KIAA1217: variants seen among roughly 807,000 people sequenced by gnomAD.
KIAA1217 encodes sickle tail protein homolog.
Under a neutral mutation model 163.9 loss-of-function variants are expected in KIAA1217, and 88 were observed. The ratio of observed to expected loss-of-function variants is 0.54; its 90% CI spans 0.45 to 0.64. The LOEUF (loss-of-function observed/expected upper bound fraction) is 0.64, where lower values mean the gene tolerates loss of function less well. Ranked by LOEUF, KIAA1217 falls within the 30% of genes least tolerant of loss-of-function variation. KIAA1217 has a pLI of 0.00. For synonymous variants in KIAA1217, 903 were observed against 923.1 expected (o/e 0.98, Z 0.39); for missense variants, 2,372 against 2,475.0 (o/e 0.96, Z 0.88).
chr10:24,030,644 T>C (rs996540842), intron 2 of KIAA1217, among the ~76,000 whole-genome samples: 26 of 152,154 alleles, frequency 1.7e-4, no homozygotes, highest in African/African-American at 5.8e-4. Flanking sequence ...CAACCTGAAC[T>C]CTGTACTCAT....
intron 2 of KIAA1217, among the ~76,000 whole-genome samples, chr10:24,356,064 T>C (rs1324430088): frequency 6.6e-6 from 1 of 152,122 alleles, no homozygotes; most frequent in African/African-American, 2.4e-5. Context: ...CCTCATTCTT[T>C]AGCAGCAGAA....
chr10:24,422,926 A>C (rs1591802608), intron 3 of KIAA1217, among the ~76,000 whole-genome samples: 1 of 105,388 alleles, frequency 9.5e-6, no homozygotes, highest in Admixed American at 1.0e-4. Flanking sequence ...TTTTTTTGAG[A>C]CAGAGTCTCG....
intron 1 of KIAA1217, among the ~76,000 whole-genome samples, chr10:23,824,662 T>C (rs867209035): frequency 3.3e-5 from 4 of 120,890 alleles, no homozygotes; most frequent in Admixed American, 9.0e-5. Context: ...AAAAAAAATA[T>C]ATATATATAT....
At chr10:24,400,958 A>AACACACACACACACACACACAC (rs1409004077) in intron 3 of KIAA1217, among the ~76,000 whole-genome samples, 2 of 89,842 alleles carry the variant, frequency 2.2e-5, no homozygotes, top group African/African-American at 2.6e-4. Context: ...CCAAGCAAGA[A>AACACACACACACACACACACAC]ACATACACAC....
At chr10:23,786,258 G>A (rs1835489317) in intron 1 of KIAA1217, among the ~76,000 whole-genome samples, 1 of 152,024 alleles carries the variant, frequency 6.6e-6, no homozygotes, top group African/African-American at 2.4e-5. Flanking sequence ...AGGACAGGGA[G>A]GATTTGGTTA....
intron 5 of KIAA1217, among the ~76,000 whole-genome samples, chr10:24,452,963 G>A (rs1374224857): frequency 2.6e-5 from 4 of 152,084 alleles, no homozygotes; most frequent in African/African-American, 9.7e-5. Flanking sequence ...GAAAGAAAGA[G>A]GCCTGACTTA....
chr10:24,200,206 T>C (rs1221585261), intron 2 of KIAA1217, among the ~76,000 whole-genome samples: 1 of 151,308 alleles, frequency 6.6e-6, no homozygotes, highest in Non-Finnish European at 1.5e-5. Context: ...TTTTTCATTA[T>C]TTTTTAATTT....
chr10:24,233,665 T>TA (rs1197649948), intron 2 of KIAA1217, among the ~76,000 whole-genome samples: 2 of 152,222 alleles, frequency 1.3e-5, no homozygotes, highest in African/African-American at 4.8e-5. Flanking sequence ...AAATTTCGCT[T>TA]AAAGATTGGT....
At chr10:24,035,669 A>T (rs1848364881) in intron 2 of KIAA1217, among the ~76,000 whole-genome samples, 2 of 152,174 alleles carry the variant, frequency 1.3e-5, no homozygotes. Flanking sequence ...TGAAGAAATG[A>T]GGCAGGGTAT....
intron 10 of KIAA1217, among the ~76,000 whole-genome samples, chr10:24,519,158 A>G (rs1283059627): frequency 6.6e-6 from 1 of 152,184 alleles, no homozygotes; most frequent in Non-Finnish European, 1.5e-5. Flanking sequence ...TCCGGGCTCC[A>G]GGAGGTGGAA....
intron 1 of KIAA1217, among the ~76,000 whole-genome samples, chr10:23,736,369 C>A (rs1051859496): frequency 6.6e-6 from 1 of 152,148 alleles, no homozygotes; most frequent in African/African-American, 2.4e-5. Context: ...TGAGTTGTCC[C>A]TCCCTTTTCA....
intron 1 of KIAA1217, among the ~76,000 whole-genome samples, chr10:23,842,554 C>T (rs1351500034): frequency 6.6e-6 from 1 of 152,106 alleles, no homozygotes; most frequent in African/African-American, 2.4e-5. Flanking sequence ...TGCCCTCCAT[C>T]ACTCATTTTA....
At chr10:24,169,293 A>G (rs1411098228) in intron 2 of KIAA1217, among the ~76,000 whole-genome samples, 2 of 152,202 alleles carry the variant, frequency 1.3e-5, no homozygotes, top group East Asian at 3.9e-4. Context: ...GGTTTGGCCC[A>G]TGCCCGTTCT....
At chr10:24,499,651 G>C (rs892884290) in intron 8 of KIAA1217, among the ~76,000 whole-genome samples, 3 of 152,186 alleles carry the variant, frequency 2.0e-5, no homozygotes, top group African/African-American at 7.2e-5. Context: ...AAAATCGCTT[G>C]CACCCAGGAG....
intron 5 of KIAA1217, among the ~76,000 whole-genome samples, chr10:24,463,572 C>T (rs150081524): frequency 4.6e-5 from 7 of 152,172 alleles, no homozygotes; most frequent in Non-Finnish European, 7.3e-5. Context: ...ATTTTTTCAA[C>T]GTAATAATCC....
intron 2 of KIAA1217, among the ~76,000 whole-genome samples, chr10:24,112,624 G>A (rs536245198): frequency 5.7e-4 from 86 of 151,298 alleles, no homozygotes; most frequent in African/African-American, 1.9e-3. Context: ...TCGCTCTGTC[G>A]CCCAGGCTGG....
At chr10:23,762,768 G>A (rs1386994985) in intron 1 of KIAA1217, among the ~76,000 whole-genome samples, 1 of 151,666 alleles carries the variant, frequency 6.6e-6, no homozygotes, top group Non-Finnish European at 1.5e-5. Flanking sequence ...TTCTGGCCAG[G>A]GCAATCAGGC....
At chr10:24,384,977 C>T (rs7475360) in intron 3 of KIAA1217, among the ~76,000 whole-genome samples, 78,499 of 152,088 alleles carry the variant, frequency 0.52, 22,837 homozygotes, top group African/African-American at 0.8. Context: ...GAGCATCAGA[C>T]ACTGTTACTG....
At chr10:23,866,044 T>C (rs1260909160) in intron 1 of KIAA1217, among the ~76,000 whole-genome samples, 1 of 152,178 alleles carries the variant, frequency 6.6e-6, no homozygotes, top group Admixed American at 6.5e-5. Flanking sequence ...TTTTTTCTCA[T>C]GATTTTATAT....
Sources: allele counts gnomAD v4.1 joint callset (sites outside exome capture counted in the v4.1 genomes callset), GRCh38; gene constraint gnomAD v4.1.1; transcripts MANE v1.5; gene names NCBI Gene and HGNC (gene_info 2026-07-23, HGNC 2026-07-21).